Variants in PLB1 observed in about 807,000 individuals in gnomAD.
PLB1 encodes the protein phospholipase B1, membrane-associated.
PLB1 carries 242 observed loss-of-function variants against 227.4 expected under a neutral mutation model. The ratio of observed to expected loss-of-function variants is 1.06; its 90% confidence interval spans 0.96 to 1.18. The LOEUF (loss-of-function observed/expected upper bound fraction) is 1.18, where lower values mean the gene tolerates loss of function less well. Ranked by LOEUF, PLB1 falls within the 50% of genes most tolerant of loss-of-function variation. The pLI is 0.00. For missense variants in PLB1, 1,858 were observed against 1,816.3 expected, an observed-to-expected ratio of 1.02 and a Z score of -0.42; for synonymous variants, 757 against 682.2, an observed-to-expected ratio of 1.11 and a Z score of -1.71.
rs779522596 is a variant in PLB1, at chr2:28,539,168, A to C, written c.688A>C (p.Thr230Pro). 1 of 1,613,420 alleles carries C rather than the reference A, an allele frequency of 6.2e-7. No individual in the cohort carries two copies. The change falls in exon 11 of 58, where the codon ACT becomes CCT. Residue 230 changes from threonine to proline, a missense_variant. Physicochemically the swap from Thr to Pro is conservative, Grantham distance 38. Coordinates refer to ENST00000327757, the MANE Select transcript of PLB1 (RefSeq NM_153021.5). ...AGAGGTCTCTCGTCAGTATCACGGCACTTGGCTCAGGTAAAAGGGGAAGTG... is the reference window on the plus strand; with the variant it reads ...AGAGGTCTCTCGTCAGTATCACGGCCCTTGGCTCAGGTAAAAGGGGAAGTG... ...VAEVSRQYHG[T>P]WLSPAPEPCN...
intron 6 of PLB1, among the ~76,000 whole-genome samples, chr2:28,526,682 G>A (rs1364746426): frequency 2.1e-4 from 32 of 152,200 alleles, no homozygotes; most frequent in Admixed American, 2.1e-3. Context: ...CCACTTCGCC[G>A]TCCGTATTAG....
rs1042288855 is a variant in PLB1 at position 28,562,015 on chromosome 2, A to T, written c.1148-1026A>T. Among the ~76,000 whole-genome samples the T allele has an allele frequency of 4.6e-5, 7 of 152,374 alleles. No homozygotes were observed. In the East Asian group the frequency reaches 1.3e-3, roughly 29 times the overall value. Reference sequence around the variant, plus strand: ...TTATATGATTCTATGTACATGAAATATCCAGAATAGATAAATCCATAGAGG... The same window carrying T: ...TTATATGATTCTATGTACATGAAATTTCCAGAATAGATAAATCCATAGAGG... On this transcript the variant is annotated intron_variant, in intron 17 of 57. Transcript: ENST00000327757.
intron 9 of PLB1, among the ~76,000 whole-genome samples, chr2:28,535,476 C>T (rs1054956853): frequency 6.6e-6 from 1 of 152,266 alleles, no homozygotes; most frequent in African/African-American, 2.4e-5. Flanking sequence ...CCCACACTCA[C>T]CTCCTAGTGG....
rs902578847 is a variant in PLB1 at position 28,532,111 on chromosome 2, C to A, written c.472C>A (p.Leu158Ile). The change falls in exon 9 of 58, where the codon CTT (leucine) becomes ATT (isoleucine). Residue 158 changes from leucine (L) to isoleucine (I), a missense_variant. By Grantham distance (5) the Leu-to-Ile change is conservative. Coordinates refer to ENST00000327757, the MANE Select transcript of PLB1 (RefSeq NM_153021.5). ...ATGCTGTTGCCCTTTTATTCAGCAA[C>A]TTGACTTTCAATTTGACTGGAAGCT... ...LVRNMKENLQ[L>I]DFQFDWKLIN... The A allele has an allele frequency of 8.7e-6, 14 of 1,610,642 alleles. No individual in the cohort carries two copies. The highest frequency in any genetic ancestry group is 1.2e-5 in the Non-Finnish European group (14 of 1,178,182).
intron 50 of PLB1, among the ~76,000 whole-genome samples, chr2:28,626,003 T>C (rs1384749897): frequency 1.7e-4 from 26 of 150,258 alleles, no homozygotes; most frequent in African/African-American, 5.9e-4. Flanking sequence ...CTTTTCTTTT[T>C]TTTTTTTTTT....
At chr2:28,576,249 A>T (rs181587344) in intron 21 of PLB1, among the ~76,000 whole-genome samples, 6 of 152,358 alleles carry the variant, frequency 3.9e-5, no homozygotes, top group African/African-American at 1.4e-4. Flanking sequence ...GAACAAATGC[A>T]TCGACTTGAC....
chr2:28,613,269 A>G (rs556182281), intron 43 of PLB1, among the ~76,000 whole-genome samples: 14 of 152,254 alleles, frequency 9.2e-5, no homozygotes, highest in Admixed American at 7.2e-4. Flanking sequence ...TTTTCAGACC[A>G]TGGGCTTACT....
At chr2:28,589,817 A>G in intron 28 of PLB1, 47 bp downstream of exon 28, 1 of 1,567,872 alleles carries the variant, frequency 6.4e-7, no homozygotes, top group Non-Finnish European at 8.8e-7. Context: ...GGTAAGAAAA[A>G]GACTTCACAA....
chr2:28,525,230 C>T (rs765811278), intron 4 of PLB1, 37 bp from the exon 5 acceptor site: 4 of 1,606,600 alleles, frequency 2.5e-6, no homozygotes, highest in Admixed American at 3.4e-5. Flanking sequence ...TCTGCCACCT[C>T]CCCTGGCTGG....
chr2:28,558,156 C>CTGTGTG (rs3041209), intron 17 of PLB1, among the ~76,000 whole-genome samples: 26 of 150,444 alleles, frequency 1.7e-4, no homozygotes, highest in African/African-American at 4.4e-4. Flanking sequence ...GTGTGTGTCT[C>CTGTGTG]TGTGTGTGTG....
rs1414712964 is a variant in PLB1, at chr2:28,532,192, C to G, written c.553C>G (p.Gln185Glu). Residue 185 changes from glutamine to glutamate, a missense_variant and splice_region_variant, in exon 9 of 58, where the codon CAG (glutamine) becomes GAG (glutamate). Coordinates refer to ENST00000327757, the MANE Select transcript of PLB1 (RefSeq NM_153021.5). ...GTGTTACCTGTGCCCCTCTGCTCAA[C>G]AGGTAAATGGCAGCCTTGGGGACCA... ...SQCYLCPSAQ[Q>E]NGLAAGGVDE... The G allele has an allele frequency of 6.2e-7, 1 of 1,609,496 alleles. No individual in the cohort carries two copies. The highest frequency in any genetic ancestry group is 8.5e-7 in the Non-Finnish European group (1 of 1,177,072).
At chr2:28,591,269 G>T in intron 30 of PLB1, 98 bp downstream of exon 30, 1 of 1,504,160 alleles carries the variant, frequency 6.6e-7, no homozygotes, top group Non-Finnish European at 9.2e-7. Context: ...AAGCGGGCAA[G>T]AGTTCTAGAT....
intron 16 of PLB1, 75 bp downstream of exon 16, chr2:28,550,159 C>T (rs1260052473): frequency 2.5e-6 from 3 of 1,187,836 alleles, no homozygotes; most frequent in Admixed American, 5.0e-5. Context: ...ATCTTTCGAA[C>T]CTTCCACGTG....
At chr2:28,593,953 T>C (rs1292014198) in intron 33 of PLB1, 199 bp downstream of exon 33, 1 of 720,618 alleles carries the variant, frequency 1.4e-6, no homozygotes, top group Admixed American at 2.1e-5. Flanking sequence ...TAATCTTTTT[T>C]TTTTTTTTGA....
intron 12 of PLB1, 109 bp from the exon 13 acceptor site, chr2:28,541,598 C>A: frequency 1.3e-6 from 1 of 757,626 alleles, no homozygotes. Context: ...GACCACAACG[C>A]AAGAGGCAGA....
intron 9 of PLB1, 124 bp downstream of exon 9, chr2:28,532,318 A>G (rs1671126203): frequency 1.1e-5 from 4 of 362,782 alleles, no homozygotes; most frequent in African/African-American, 3.3e-5. Context: ...ATTTTAGAAC[A>G]TGGATGGATG....
chr2:28,517,600 G>A (rs1004257592), intron 2 of PLB1, among the ~76,000 whole-genome samples: 1 of 152,100 alleles, frequency 6.6e-6, no homozygotes, highest in Non-Finnish European at 1.5e-5. Flanking sequence ...ACTTAATTTT[G>A]TATAAGTTAT....
At chr2:28,570,070 G>C (rs1677753621) in intron 20 of PLB1, among the ~76,000 whole-genome samples, 1 of 151,922 alleles carries the variant, frequency 6.6e-6, no homozygotes, top group South Asian at 2.1e-4. Flanking sequence ...AGCCCAGACT[G>C]TCTCTGACTT....
chr2:28,591,850 A>G (rs573244638), intron 31 of PLB1, 90 bp downstream of exon 31: 1 of 1,312,380 alleles, frequency 7.6e-7, no homozygotes, highest in South Asian at 1.2e-5. Context: ...CACACTCACT[A>G]AATGGCACAG....
Sources: allele counts gnomAD v4.1 joint callset (sites outside exome capture counted in the v4.1 genomes callset), GRCh38; gene constraint gnomAD v4.1.1; transcripts MANE v1.5; gene names NCBI Gene and HGNC (gene_info 2026-07-23, HGNC 2026-07-21).